Variants in CDH20 observed in about 807,000 individuals in gnomAD.
CDH20 encodes cadherin 20, also known as cadherin-20.
CDH20 carries 29 observed loss-of-function variants against 74.2 expected under a neutral mutation model. That is an observed-to-expected ratio of 0.39 (90% CI 0.29 to 0.53). The LOEUF (loss-of-function observed/expected upper bound fraction) is 0.53. CDH20 is among the 20% of genes least tolerant of loss of function. CDH20 has a pLI of 0.69. For synonymous variants in CDH20, 469 were observed against 405.4 expected, an observed-to-expected ratio of 1.16 and a Z score of -1.88; for missense variants, 988 against 1,048.3, an observed-to-expected ratio of 0.94 and a Z score of 0.79.
At chr18:61,498,546 C>T (rs1911252267) in intron 2 of CDH20, among the ~76,000 whole-genome samples, 1 of 152,144 alleles carries the variant, frequency 6.6e-6, no homozygotes, top group African/African-American at 2.4e-5. Flanking sequence ...AAAGGAGACA[C>T]ACACCGATGT....
intron 1 of CDH20, among the ~76,000 whole-genome samples, chr18:61,340,484 A>T (rs1909912310): frequency 6.6e-6 from 1 of 152,262 alleles, no homozygotes; most frequent in Admixed American, 6.5e-5. Flanking sequence ...TTTAGCTGGT[A>T]TCTTTGGACA....
chr18:61,494,446 C>T (rs761809632), intron 2 of CDH20, among the ~76,000 whole-genome samples: 6 of 152,188 alleles, frequency 3.9e-5, no homozygotes, highest in Non-Finnish European at 7.3e-5. Flanking sequence ...CTGATCCAAT[C>T]CTCATACCAG....
chr18:61,419,610 A>G (rs1912808469), intron 1 of CDH20, among the ~76,000 whole-genome samples: 1 of 151,978 alleles, frequency 6.6e-6, no homozygotes, highest in Admixed American at 6.6e-5. Flanking sequence ...TCTTTTCCCA[A>G]TCTGAAACTT....
At chr18:61,499,737 T>C (rs1445537912) in intron 3 of CDH20, among the ~76,000 whole-genome samples, 1 of 152,222 alleles carries the variant, frequency 6.6e-6, no homozygotes, top group South Asian at 2.1e-4. Context: ...GTTCTGATTC[T>C]TTAAAAACAA....
chr18:61,521,683 T>A (rs750809445), intron 6 of CDH20, among the ~76,000 whole-genome samples: 2 of 151,352 alleles, frequency 1.3e-5, no homozygotes. Context: ...AATAACATAC[T>A]GGCAAACTGA....
At chr18:61,485,783 A>G (rs1413898586) in intron 1 of CDH20, among the ~76,000 whole-genome samples, 5 of 152,118 alleles carry the variant, frequency 3.3e-5, no homozygotes, top group African/African-American at 1.2e-4. Flanking sequence ...ATAGAAAAAA[A>G]CCCATTTTGG....
At position 61,555,581 on chromosome 18, in the gene CDH20, G is replaced by C; in HGVS notation, c.*886G>C. The C allele has an allele frequency of 1.0e-6, 1 of 985,148 alleles. No individual in the cohort carries two copies. Among genetic ancestry groups the C allele is most frequent in the Non-Finnish European group, 1.2e-6 (1 of 829,714 alleles). 61.0% of individuals were successfully genotyped at this position (985,148 alleles called of 1,614,324 possible). ...ATGGGTTAGAGGGCTTTCCTAATCT[G>C]TGTGAGGTCAATCCAAGGGATGTTT... On this transcript the variant is annotated 3_prime_UTR_variant, in exon 12 of 12. Transcript: ENST00000262717.
intron 1 of CDH20, among the ~76,000 whole-genome samples, chr18:61,471,118 A>T (rs1910160452): frequency 6.6e-6 from 1 of 152,328 alleles, no homozygotes; most frequent in South Asian, 2.1e-4. Flanking sequence ...TTGAAATGGC[A>T]TATGGAGACT....
intron 1 of CDH20, among the ~76,000 whole-genome samples, chr18:61,478,020 G>A (rs1910452745): frequency 3.9e-5 from 6 of 152,012 alleles, no homozygotes. Flanking sequence ...GGCCAACATG[G>A]TGAAACTGTG....
intron 1 of CDH20, among the ~76,000 whole-genome samples, chr18:61,337,946 A>T (rs1237490866): frequency 6.6e-6 from 1 of 152,242 alleles, no homozygotes; most frequent in Non-Finnish European, 1.5e-5. Context: ...GAATAAAAGC[A>T]TTGTTATAAA....
intron 1 of CDH20, among the ~76,000 whole-genome samples, chr18:61,388,863 A>G (rs1911682038): frequency 6.6e-6 from 1 of 152,184 alleles, no homozygotes; most frequent in Admixed American, 6.5e-5. Flanking sequence ...ATTACAGAAA[A>G]TGATAAACTC....
chr18:61,483,193 C>T (rs769368042), intron 1 of CDH20, among the ~76,000 whole-genome samples: 5 of 152,108 alleles, frequency 3.3e-5, no homozygotes, highest in Non-Finnish European at 7.4e-5. Context: ...TAGATCTGTG[C>T]CAGTCAGTCA....
intron 1 of CDH20, among the ~76,000 whole-genome samples, chr18:61,469,101 C>T (rs1398503272): frequency 6.6e-6 from 1 of 152,164 alleles, no homozygotes; most frequent in Admixed American, 6.5e-5. Flanking sequence ...TGCAATAGCA[C>T]TGTGATTCTG....
rs188174607 is a variant in CDH20 at position 61,494,361 on chromosome 18, T to C, written c.246+3562T>C. On this transcript the variant is annotated intron_variant, in intron 2 of 11. Coordinates refer to ENST00000262717, the MANE Select transcript of CDH20 (RefSeq NM_031891.4). ...TTCTTAGCTGTGTAGCACCCTTGCA[T>C]ACTCACAATTAGTGCTCGCCCTTTC... is the stretch of plus-strand genomic sequence containing the variant. Among the ~76,000 whole-genome samples, 293 of 152,278 alleles carry C rather than the reference T, an allele frequency of 1.9e-3. 2 individuals carry two copies. The highest frequency in any genetic ancestry group is 3.5e-3 in the Non-Finnish European group (236 of 68,028).
chr18:61,469,403 A>ACACACACC (rs1484805822), intron 1 of CDH20, among the ~76,000 whole-genome samples: 3 of 145,396 alleles, frequency 2.1e-5, no homozygotes, highest in South Asian at 2.2e-4. Context: ...ACACACACAC[A>ACACACACC]CCCCTATATA....
chr18:61,407,833 C>T (rs1308293673), intron 1 of CDH20, among the ~76,000 whole-genome samples: 1 of 152,136 alleles, frequency 6.6e-6, no homozygotes, highest in African/African-American at 2.4e-5. Context: ...TTGAAGGACA[C>T]TAAAGAGACA....
intron 10 of CDH20, 110 bp downstream of exon 10, chr18:61,545,254 G>C (rs768657983): frequency 2.7e-6 from 2 of 749,414 alleles, no homozygotes; most frequent in Non-Finnish European, 4.8e-6. Flanking sequence ...CATACCAGCA[G>C]GGAGGATGTT....
chr18:61,440,284 C>T (rs1908985213), intron 1 of CDH20, among the ~76,000 whole-genome samples: 1 of 152,092 alleles, frequency 6.6e-6, no homozygotes, highest in South Asian at 2.1e-4. Context: ...TAACTTGACT[C>T]TGGTGTTTCT....
chr18:61,379,202 T>A (rs1008930811), intron 1 of CDH20, among the ~76,000 whole-genome samples: 8 of 152,188 alleles, frequency 5.3e-5, no homozygotes, highest in Admixed American at 4.6e-4. Flanking sequence ...GTGGCTCTCT[T>A]TATTTCAACT....
Sources: allele counts gnomAD v4.1 joint callset (sites outside exome capture counted in the v4.1 genomes callset), GRCh38; gene constraint gnomAD v4.1.1; transcripts MANE v1.5; gene names NCBI Gene and HGNC (gene_info 2026-07-23, HGNC 2026-07-21).